Variants in GTPBP10 observed in about 807,000 individuals in gnomAD.
GTPBP10 encodes GTP binding protein 10.
A neutral mutation model predicts 44.8 loss-of-function variants in GTPBP10; 38 were observed. That is an observed-to-expected ratio of 0.85 (90% CI 0.65 to 1.11). The LOEUF is 1.11. Ranked by LOEUF, GTPBP10 falls within the 50% of genes most tolerant of loss-of-function variation. The probability of loss-of-function intolerance (pLI) is 0.00; values close to 1 mark genes in which losing one functional copy is unlikely to be tolerated. For synonymous variants in GTPBP10, 152 were observed against 150.6 expected (o/e 1.01, Z -0.07); for missense variants, 462 against 453.7 (o/e 1.02, Z -0.17).
intron 4 of GTPBP10, among the ~76,000 whole-genome samples, chr7:90,359,071 G>T (rs887490943): frequency 3.3e-5 from 5 of 150,842 alleles, no homozygotes; most frequent in African/African-American, 1.2e-4. Flanking sequence ...TGGTCATTAT[G>T]GAAAAGTCAA....
At chr7:90,371,822 T>G (rs1584641804) in intron 4 of GTPBP10, among the ~76,000 whole-genome samples, 1 of 152,164 alleles carries the variant, frequency 6.6e-6, no homozygotes. Flanking sequence ...AGGTAATGTT[T>G]TGTCAGTGTA....
At position 90,353,103 on chromosome 7, in the gene GTPBP10, G is replaced by A. The variant is rs17865372; in HGVS notation, c.227+94G>A. On this transcript the variant is annotated intron_variant, in intron 2 of 9. Transcript: ENST00000222511. ...AAAATAAAAACTTAATTGTTAATTT[G>A]AAGTAAATTATTTCCTGTATTTATA... 4,426 of 783,980 alleles carry A rather than the reference G, an allele frequency of 5.6e-3. 24 individuals carry two copies. The highest frequency in any genetic ancestry group is 6.2e-3 in the Non-Finnish European group (3,156 of 509,046). The allele number at this position is 783,980 out of a possible 1,614,324, so 48.6% of individuals were successfully genotyped here.
intron 1 of GTPBP10, among the ~76,000 whole-genome samples, chr7:90,349,994 C>T (rs1795756105): frequency 6.6e-6 from 1 of 151,962 alleles, no homozygotes; most frequent in Non-Finnish European, 1.5e-5. Context: ...CATAGGTATA[C>T]ATGTGCCATG....
At chr7:90,381,587 G>C (rs1225893829) in intron 8 of GTPBP10, among the ~76,000 whole-genome samples, 1 of 152,118 alleles carries the variant, frequency 6.6e-6, no homozygotes, top group Non-Finnish European at 1.5e-5. Context: ...AACATCAAAA[G>C]ACCCTGAATA....
At chr7:90,376,843 CAT>C (rs1796351944) in intron 6 of GTPBP10, among the ~76,000 whole-genome samples, 2 of 152,174 alleles carry the variant, frequency 1.3e-5, no homozygotes, top group African/African-American at 4.8e-5. Flanking sequence ...TTAATAACCT[CAT>C]AGATTTTTAC....
Position 90,385,400 on chromosome 7 carries a change from G to A in GTPBP10, c.*246G>A. On this transcript the variant is annotated 3_prime_UTR_variant, in exon 10 of 10. Coordinates refer to ENST00000222511, the MANE Select transcript of GTPBP10 (RefSeq NM_033107.4). Reference sequence around the variant, plus strand: ...ATTGGTCAAAATTTACAAAATTTCAGTTAGACAAGGCAACTGAGTTCAAGA... The same window carrying A: ...ATTGGTCAAAATTTACAAAATTTCAATTAGACAAGGCAACTGAGTTCAAGA... The A allele has an allele frequency of 3.2e-6, 1 of 309,694 alleles. No individual in the cohort carries two copies. Among genetic ancestry groups the A allele is most frequent in the Non-Finnish European group, 5.9e-6 (1 of 169,094 alleles). 19.2% of individuals were successfully genotyped at this position (309,694 alleles called of 1,614,324 possible).
At chr7:90,370,080 G>A (rs1796228772) in intron 4 of GTPBP10, among the ~76,000 whole-genome samples, 1 of 151,936 alleles carries the variant, frequency 6.6e-6, no homozygotes, top group Non-Finnish European at 1.5e-5. Context: ...TTGGGTGATG[G>A]GTACACTAAA....
At position 90,363,176 on chromosome 7, in the gene GTPBP10, T is replaced by G. The variant is rs367769436; in HGVS notation, c.464+7946T>G. Among the ~76,000 whole-genome samples the G allele has an allele frequency of 1.4e-4, 22 of 152,316 alleles. No homozygotes were observed. In the South Asian group the frequency reaches 3.9e-3, roughly 27 times the overall value. On this transcript the variant is annotated intron_variant, in intron 4 of 9. Transcript: ENST00000222511. The stretch of plus-strand genomic sequence containing the variant: ...TTATGTGTGAATTTGGTCCTGTCAT[T>G]ATGATGTTAGCTGGTTATTTTGCTC...
intron 4 of GTPBP10, among the ~76,000 whole-genome samples, chr7:90,365,436 C>T (rs1463586022): frequency 8.7e-5 from 11 of 126,122 alleles, no homozygotes; most frequent in African/African-American, 1.6e-4. Context: ...AGTGCAGTGG[C>T]GGGATCTCGG....
intron 1 of GTPBP10, chr7:90,347,485 A>T (rs1239821416): frequency 3.3e-6 from 1 of 305,134 alleles, no homozygotes; most frequent in Non-Finnish European, 4.8e-6. Context: ...AGAATGGTCA[A>T]TATTTCAACT....
chr7:90,360,746 T>C (rs1408162346), intron 4 of GTPBP10, among the ~76,000 whole-genome samples: 1 of 152,206 alleles, frequency 6.6e-6, no homozygotes, highest in Non-Finnish European at 1.5e-5. Flanking sequence ...GCCATTTTCA[T>C]GATACTGATT....
chr7:90,384,236 C>T (rs1796483878), intron 9 of GTPBP10, among the ~76,000 whole-genome samples: 1 of 152,148 alleles, frequency 6.6e-6, no homozygotes, highest in African/African-American at 2.4e-5. Flanking sequence ...TCTTCTCCAC[C>T]AATCTGTTTC....
intron 4 of GTPBP10, among the ~76,000 whole-genome samples, chr7:90,371,683 A>C (rs974014774): frequency 1.3e-5 from 2 of 152,210 alleles, no homozygotes; most frequent in African/African-American, 4.8e-5. Flanking sequence ...AATTTTAAGA[A>C]GTATATTGCC....
rs757973599 is a variant in GTPBP10 at position 90,372,482 on chromosome 7, C to CTTTTTTTTTTTTTTTTTTTT, written c.538+269_538+270insTTTTTTTTTTTTTTTTTTTT. Reference sequence around the variant, plus strand: ...GGTATGTGCCACCATGCTTGGCTAACTTTTTTTTTTTTTTTGTGGGGACAG... The same window carrying CTTTTTTTTTTTTTTTTTTTT: ...GGTATGTGCCACCATGCTTGGCTAACTTTTTTTTTTTTTTTTTTTTTTTTTTTTTTTTTTTGTGGGGACAG... On this transcript the variant is annotated intron_variant, in intron 5 of 9. Coordinates refer to ENST00000222511, the MANE Select transcript of GTPBP10 (RefSeq NM_033107.4). 6.4e-4 allele frequency among the ~76,000 whole-genome samples: 72 copies of CTTTTTTTTTTTTTTTTTTTT among 112,178 alleles called. 4 individuals are homozygous for CTTTTTTTTTTTTTTTTTTTT. Among genetic ancestry groups the CTTTTTTTTTTTTTTTTTTTT allele is most frequent in the African/African-American group, 1.5e-3 (37 of 25,268 alleles). 73.6% of individuals were successfully genotyped at this position (112,178 alleles called of 152,430 possible).
At chr7:90,370,949 T>G (rs1796245371) in intron 4 of GTPBP10, among the ~76,000 whole-genome samples, 1 of 151,644 alleles carries the variant, frequency 6.6e-6, no homozygotes, top group African/African-American at 2.4e-5. Flanking sequence ...GAGCTTGCAG[T>G]GAGCCAAGAT....
intron 4 of GTPBP10, among the ~76,000 whole-genome samples, chr7:90,360,139 T>C (rs1169183495): frequency 6.6e-6 from 1 of 152,064 alleles, no homozygotes; most frequent in Non-Finnish European, 1.5e-5. Flanking sequence ...AGCTCTTTAG[T>C]TTAATTAGAT....
rs559740012 is a variant in GTPBP10, at chr7:90,350,069, C to T, written c.34-2747C>T. Among the ~76,000 whole-genome samples, 13 of 152,138 alleles carry T rather than the reference C, an allele frequency of 8.5e-5. No homozygotes were observed. In the South Asian group the frequency reaches 2.7e-3, roughly 32 times the overall value. On this transcript the variant is annotated intron_variant, in intron 1 of 9. Transcript: ENST00000222511. The stretch of plus-strand genomic sequence containing the variant: ...TATTTCTCCTAATGTTATCTCTCAC[C>T]CAGCCCCCAACCCCATGACAGGTCC...
In GTPBP10 at chr7:90,352,963, A is replaced by G. The variant is rs1231670488; in HGVS notation, c.181A>G (p.Arg61Gly). The change falls in exon 2 of 10, where the codon AGG becomes GGG. Residue 61 changes from arginine (R) to glycine (G), a missense_variant. Physicochemically the swap from Arg to Gly is moderately radical, Grantham distance 125 (BLOSUM62 -2). Transcript: ENST00000222511. The stretch of plus-strand genomic sequence containing the variant: ...AATGACTTTAAAACAACTTAAAGAC[A>G]GGTATCCTCGGAAACGGTTTGTGGC... Reference protein sequence around the residue: ...NRMTLKQLKDRYPRKRFVAGV... With the variant: ...NRMTLKQLKDGYPRKRFVAGV... 2 of 1,612,640 alleles carry G rather than the reference A, an allele frequency of 1.2e-6. No individual in the cohort carries two copies. The highest frequency in any genetic ancestry group is 1.7e-6 in the Non-Finnish European group (2 of 1,179,266).
chr7:90,355,280 T>C, intron 4 of GTPBP10, 50 bp downstream of exon 4: 1 of 1,184,396 alleles, frequency 8.4e-7, no homozygotes, highest in Admixed American at 2.7e-5. Flanking sequence ...AGAGAGTTCT[T>C]GAATAGAAAA....
Sources: gnomAD v4.1 joint callset for allele counts (sites outside exome capture counted in the v4.1 genomes callset) on GRCh38, gnomAD v4.1.1 for gene constraint, MANE v1.5 for transcripts, NCBI Gene and HGNC (gene_info 2026-07-23, HGNC 2026-07-21) for gene names.